TRIM61: variants seen among roughly 807,000 people sequenced by gnomAD.
TRIM61 encodes the protein tripartite motif containing 61.
A neutral mutation model predicts 14.2 loss-of-function variants in TRIM61; 1 was observed. The ratio of observed to expected loss-of-function variants is 0.07; its 90% CI spans 0.03 to 0.33. The LOEUF (loss-of-function observed/expected upper bound fraction) is 0.33, where lower values mean the gene tolerates loss of function less well. Among genes scored for constraint, TRIM61 ranks in the 10% least tolerant of loss-of-function variants. The probability of loss-of-function intolerance (pLI) is 0.99; values close to 1 mark genes in which losing one functional copy is unlikely to be tolerated. For missense variants in TRIM61, 19 were observed against 202.2 expected (o/e 0.09, Z 5.49); for synonymous variants, 8 against 71.6 (o/e 0.11, Z 4.49).
intron 2 of TRIM61, among the ~76,000 whole-genome samples, chr4:164,972,691 G>A (rs1732396072): frequency 6.6e-6 from 1 of 152,220 alleles, no homozygotes; most frequent in Admixed American, 6.5e-5. Flanking sequence ...GTTTCGCCAT[G>A]TTGTCCAGGC....
Position 164,968,396 on chromosome 4 carries a change from T to C in TRIM61, c.525+1082A>G. The C allele has an allele frequency of 3.1e-6, 3 of 983,432 alleles. No individual in the cohort carries two copies. In the South Asian group the frequency reaches 1.4e-4, roughly 46 times the overall value. 60.9% of individuals were successfully genotyped at this position (983,432 alleles called of 1,614,324 possible). A position where few individuals can be genotyped will look rare whatever the true frequency, so the allele number is the denominator to read the frequency against. ...GTATTTTACTGTAGAATTTCTAAAG[T>C]ACCTTGTCACTGACCCCATAATTTA... On this transcript the variant is annotated intron_variant, in intron 3 of 4. Coordinates refer to ENST00000329314, the MANE Select transcript of TRIM61 (RefSeq NM_001012414.3).
rs768299194 is a variant in TRIM61 at position 164,957,515 on chromosome 4, A to G, written c.526-2419T>C. 4.4e-6 allele frequency: 7 copies of G among 1,587,300 alleles called. No individual in the cohort carries two copies. The Admixed American group carries it at 5.3e-5, about 12-fold the overall frequency. On this transcript the variant is annotated intron_variant, in intron 3 of 4. Transcript: ENST00000329314. Reference sequence around the variant, plus strand: ...CCTATAGAGCAGGCTGCCTCAAGGAAGAAGCTCACAGGGGACATCTGACAT... The same window carrying G: ...CCTATAGAGCAGGCTGCCTCAAGGAGGAAGCTCACAGGGGACATCTGACAT...
Position 164,968,574 on chromosome 4 carries a change from G to A in TRIM61, c.525+904C>T, listed in dbSNP as rs941253937. 3 of 985,610 alleles carry A rather than the reference G, an allele frequency of 3.0e-6. No individual in the cohort carries two copies. In the African/African-American group the frequency reaches 5.2e-5, roughly 17 times the overall value. 61.1% of individuals were successfully genotyped at this position (985,610 alleles called of 1,614,324 possible). A position where few individuals can be genotyped will look rare whatever the true frequency, so the allele number is the denominator to read the frequency against. On this transcript the variant is annotated intron_variant, in intron 3 of 4. Transcript: ENST00000329314. ...ATGTCTACTAGGTGAAAGAAACTGA[G>A]TCTTCTAATAATTCATTCAGAATCT...
In TRIM61 at chr4:164,972,646, A is replaced by G. The variant is rs369064140; in HGVS notation, c.-337-2307T>C. Among the ~76,000 whole-genome samples, 3 of 152,022 alleles carry G rather than the reference A, an allele frequency of 2.0e-5. No individual in the cohort carries two copies. The East Asian group carries it at 5.8e-4, about 29-fold the overall frequency. On this transcript the variant is annotated intron_variant, in intron 2 of 4. Coordinates refer to ENST00000329314, the MANE Select transcript of TRIM61 (RefSeq NM_001012414.3). ...TGGGCCTACAGGCGTGCGCCACCAC[A>G]CCCGGCTAAGGTTTGTAACTTTAGT... is the stretch of plus-strand genomic sequence containing the variant.
chr4:164,975,092 G>T (rs1481392538), intron 2 of TRIM61, among the ~76,000 whole-genome samples: 1 of 152,040 alleles, frequency 6.6e-6, no homozygotes, highest in Non-Finnish European at 1.5e-5. Flanking sequence ...AATTAGCCGG[G>T]CATGGTGGCG....
intron 3 of TRIM61, among the ~76,000 whole-genome samples, chr4:164,964,897 T>C (rs748005934): frequency 5.9e-5 from 9 of 152,238 alleles, no homozygotes; most frequent in Non-Finnish European, 1.2e-4. Flanking sequence ...AGTTGATCCA[T>C]GTATCTCTAA....
intron 3 of TRIM61, chr4:164,968,823 G>A: frequency 2.0e-6 from 2 of 981,948 alleles, no homozygotes; most frequent in Non-Finnish European, 2.4e-6. Flanking sequence ...TAATTATTCT[G>A]ACTAGATCGC....
rs1732283086 is a variant in TRIM61, at chr4:164,968,269, GTATA to G, written c.525+1205_525+1208del. 3.2e-6 allele frequency: 3 copies of G among 945,150 alleles called. No individual in the cohort carries two copies. The highest frequency in any genetic ancestry group is 1.2e-6 in the Non-Finnish European group (1 of 801,312). The allele number at this position is 945,150 out of a possible 1,614,324, so 58.5% of individuals were successfully genotyped here. A position where few individuals can be genotyped will look rare whatever the true frequency, so the allele number is the denominator to read the frequency against. On this transcript the variant is annotated intron_variant, in intron 3 of 4. Transcript: ENST00000329314. ...AGACTTAATCTTTCTTAAAGGAAAA[GTATA>G]TAAGAAATACAGAAAAAAATTACTG...
chr4:164,957,870 A>C, intron 3 of TRIM61: 1 of 179,636 alleles, frequency 5.6e-6, no homozygotes, highest in Non-Finnish European at 1.3e-5. Flanking sequence ...TATCAATAAC[A>C]GGTATTAAGA....
intron 3 of TRIM61, among the ~76,000 whole-genome samples, chr4:164,955,585 A>C (rs1024361658): frequency 6.6e-6 from 1 of 151,870 alleles, no homozygotes; most frequent in East Asian, 1.9e-4. Context: ...AAAAAAAAAA[A>C]AAAAACAAGT....
At chr4:164,977,000 C>T (rs550572837) in intron 1 of TRIM61, among the ~76,000 whole-genome samples, 175 bp from the exon 2 acceptor site, 1 of 152,230 alleles carries the variant, frequency 6.6e-6, no homozygotes, top group East Asian at 1.9e-4. Context: ...ACGTCTCTAG[C>T]TTGTTTGAGG....
intron 3 of TRIM61, among the ~76,000 whole-genome samples, chr4:164,959,963 A>G (rs955728116): frequency 3.3e-5 from 5 of 152,186 alleles, no homozygotes; most frequent in African/African-American, 1.2e-4. Context: ...TTAGAAGGTA[A>G]TTGGTCAAAA....
chr4:164,960,728 A>T (rs1205230419), intron 3 of TRIM61, among the ~76,000 whole-genome samples: 1 of 152,182 alleles, frequency 6.6e-6, no homozygotes, highest in African/African-American at 2.4e-5. Context: ...AGGCAGGCAG[A>T]TCACCTGAGG....
chr4:164,968,400 T>C, intron 3 of TRIM61: 2 of 983,922 alleles, frequency 2.0e-6, no homozygotes, highest in East Asian at 1.1e-4. Context: ...CTAAAGTACC[T>C]TGTCACTGAC....
rs76337138 is a variant in TRIM61 at position 164,956,845 on chromosome 4, A to G, written c.526-1749T>C. ...GAACACAAGGCTCTCAAGGGGCTTC[A>G]GCACCCCAAGCACTGCAGCGTTTCT... On this transcript the variant is annotated intron_variant, in intron 3 of 4. Transcript: ENST00000329314. 3.0e-5 allele frequency: 19 copies of G among 634,254 alleles called. No individual in the cohort carries two copies. The East Asian group carries it at 4.5e-4, about 15-fold the overall frequency. 39.3% of individuals were successfully genotyped at this position (634,254 alleles called of 1,614,324 possible).
At chr4:164,958,627 A>T (rs1432069669) in intron 3 of TRIM61, 1 of 167,054 alleles carries the variant, frequency 6.0e-6, no homozygotes, top group African/African-American at 2.4e-5. Flanking sequence ...CTCTTCAGAG[A>T]TGTAATGGGA....
intron 3 of TRIM61, among the ~76,000 whole-genome samples, chr4:164,959,805 C>G (rs1560882983): frequency 6.6e-6 from 1 of 152,090 alleles, no homozygotes; most frequent in Non-Finnish European, 1.5e-5. Context: ...ACTCCTGGCT[C>G]GATTAATACA....
At chr4:164,957,602 T>TA (rs1457478033) in intron 3 of TRIM61, 2 of 1,191,342 alleles carry the variant, frequency 1.7e-6, no homozygotes, top group African/African-American at 3.1e-5. Flanking sequence ...TTATGTTAAC[T>TA]AAAAATACAT....
chr4:164,973,805 A>G (rs1445522622), intron 2 of TRIM61, among the ~76,000 whole-genome samples: 1 of 152,246 alleles, frequency 6.6e-6, no homozygotes, highest in African/African-American at 2.4e-5. Flanking sequence ...TACTTCTATT[A>G]TAGCATATTA....
Sources: gnomAD v4.1 joint callset for allele counts (sites outside exome capture counted in the v4.1 genomes callset) on GRCh38, gnomAD v4.1.1 for gene constraint, MANE v1.5 for transcripts, NCBI Gene and HGNC (gene_info 2026-07-23, HGNC 2026-07-21) for gene names.